The following NELL1 variants were observed in gnomAD, a reference collection of about 807,000 sequenced individuals.
The protein encoded by NELL1 is protein kinase C-binding protein NELL1.
Under a neutral mutation model 107.4 loss-of-function variants are expected in NELL1, and 76 were observed. The ratio of observed to expected loss-of-function variants is 0.71; its 90% CI spans 0.59 to 0.86. NELL1 has a LOEUF of 0.86. Ranked by LOEUF, NELL1 falls within the 40% of genes least tolerant of loss-of-function variation. The pLI, the probability that NELL1 is intolerant of heterozygous loss-of-function variation, is 0.00. For missense variants in NELL1, 1,024 were observed against 1,005.5 expected (o/e 1.02, Z -0.25); for synonymous variants, 353 against 341.2 (o/e 1.03, Z -0.38).
chr11:20,702,168 G>A (rs566619315), intron 2 of NELL1, among the ~76,000 whole-genome samples: 3 of 152,048 alleles, frequency 2.0e-5, no homozygotes, highest in Non-Finnish European at 2.9e-5. Context: ...ATTTGTTTGT[G>A]TCCTCTTTTG....
At chr11:20,924,981 C>T (rs1232823594) in intron 7 of NELL1, among the ~76,000 whole-genome samples, 3 of 152,110 alleles carry the variant, frequency 2.0e-5, no homozygotes, top group Non-Finnish European at 4.4e-5. Context: ...TGCATTGAAT[C>T]CATGTGAATG....
In NELL1 at chr11:21,295,227, G is replaced by C. The variant is rs532054588; in HGVS notation, c.1549+65773G>C. Among the ~76,000 whole-genome samples, 5 of 152,088 alleles carry C rather than the reference G, an allele frequency of 3.3e-5. No homozygotes were observed. The South Asian group carries it at 1.0e-3, about 32-fold the overall frequency. On this transcript the variant is annotated intron_variant, in intron 14 of 19. Transcript: ENST00000357134. ...AGGTCAATTACAGATAGTAAGTAGG[G>C]AACCAGGATTAAAACCCAGCCCAGG...
intron 15 of NELL1, among the ~76,000 whole-genome samples, chr11:21,371,607 C>G (rs973487322): frequency 4.6e-5 from 7 of 151,972 alleles, no homozygotes; most frequent in African/African-American, 1.7e-4. Context: ...TGTTCAATGC[C>G]AATGTATGTG....
intron 2 of NELL1, among the ~76,000 whole-genome samples, chr11:20,762,942 G>A (rs561765026): frequency 6.6e-6 from 1 of 152,066 alleles, no homozygotes; most frequent in Non-Finnish European, 1.5e-5. Flanking sequence ...CACTCGTCCT[G>A]TTGGTTTACA....
chr11:20,883,530 G>A (rs1365047684), intron 4 of NELL1, among the ~76,000 whole-genome samples: 1 of 152,128 alleles, frequency 6.6e-6, no homozygotes, highest in African/African-American at 2.4e-5. Flanking sequence ...TAAGGTAAAT[G>A]GTTCAACATT....
intron 5 of NELL1, among the ~76,000 whole-genome samples, chr11:20,902,171 T>G (rs1250620939): frequency 6.6e-6 from 1 of 151,996 alleles, no homozygotes; most frequent in Non-Finnish European, 1.5e-5. Context: ...ATGGGTTTAC[T>G]GCATAAAATT....
intron 3 of NELL1, among the ~76,000 whole-genome samples, chr11:20,801,372 A>G (rs4923055): frequency 0.62 from 94,818 of 152,058 alleles, 31,337 homozygotes; most frequent in East Asian, 0.87. Flanking sequence ...GCAAAGCCCC[A>G]TCTGAAGATT....
chr11:21,018,690 T>A (rs1302854361), intron 12 of NELL1, among the ~76,000 whole-genome samples: 1 of 152,086 alleles, frequency 6.6e-6, no homozygotes, highest in Non-Finnish European at 1.5e-5. Flanking sequence ...CAGTGGGTAA[T>A]GTCCTGTTGT....
At chr11:20,965,114 G>A (rs1851363847) in intron 12 of NELL1, among the ~76,000 whole-genome samples, 1 of 152,138 alleles carries the variant, frequency 6.6e-6, no homozygotes, top group Non-Finnish European at 1.5e-5. Flanking sequence ...TTTTAATAGA[G>A]CAAGCATTGA....
chr11:21,028,592 T>A (rs1852878026), intron 12 of NELL1, among the ~76,000 whole-genome samples: 1 of 152,200 alleles, frequency 6.6e-6, no homozygotes, highest in African/African-American at 2.4e-5. Context: ...TTATTCTCTT[T>A]TGCTGCACTT....
intron 13 of NELL1, among the ~76,000 whole-genome samples, chr11:21,177,692 A>T (rs1191640530): frequency 6.6e-6 from 1 of 151,888 alleles, no homozygotes; most frequent in East Asian, 1.9e-4. Context: ...AGGGACCTCC[A>T]TACTGTCTTT....
At chr11:21,256,012 A>G (rs962703532) in intron 14 of NELL1, among the ~76,000 whole-genome samples, 1 of 151,980 alleles carries the variant, frequency 6.6e-6, no homozygotes, top group Non-Finnish European at 1.5e-5. Context: ...CACTCGGTAT[A>G]TATATCATAT....
chr11:21,569,731 C>T (rs1418920214), intron 17 of NELL1, among the ~76,000 whole-genome samples: 1 of 151,732 alleles, frequency 6.6e-6, no homozygotes, highest in Non-Finnish European at 1.5e-5. Context: ...TGATTTTTTA[C>T]ATTATAACAT....
chr11:21,182,472 C>T (rs565677894), intron 13 of NELL1, among the ~76,000 whole-genome samples: 1 of 150,984 alleles, frequency 6.6e-6, no homozygotes, highest in East Asian at 1.9e-4. Flanking sequence ...AAATGGGCTC[C>T]ATTGAACTTT....
At chr11:21,077,958 A>C (rs1318777024) in intron 12 of NELL1, among the ~76,000 whole-genome samples, 1 of 152,084 alleles carries the variant, frequency 6.6e-6, no homozygotes, top group African/African-American at 2.4e-5. Context: ...TAGATTAGTA[A>C]ATTATATAAT....
At chr11:21,222,315 G>T (rs1397254335) in intron 13 of NELL1, among the ~76,000 whole-genome samples, 10 of 151,848 alleles carry the variant, frequency 6.6e-5, no homozygotes, top group Admixed American at 6.6e-4. Flanking sequence ...GAGTAGCTGG[G>T]ACTACAGGCA....
chr11:21,451,967 A>G (rs1321260322), intron 15 of NELL1, among the ~76,000 whole-genome samples: 1 of 152,154 alleles, frequency 6.6e-6, no homozygotes, highest in Non-Finnish European at 1.5e-5. Flanking sequence ...GTGTTTAAGA[A>G]ATAAGGCAAC....
chr11:21,236,729 T>A (rs1858216163), intron 14 of NELL1, among the ~76,000 whole-genome samples: 1 of 152,168 alleles, frequency 6.6e-6, no homozygotes, highest in African/African-American at 2.4e-5. Context: ...TGACCCTTTT[T>A]AGACTCATTC....
intron 15 of NELL1, among the ~76,000 whole-genome samples, chr11:21,409,851 C>T (rs993922185): frequency 6.6e-6 from 1 of 152,006 alleles, no homozygotes; most frequent in African/African-American, 2.4e-5. Context: ...GTTTGCCACT[C>T]TCTCACACAC....
Sources: gnomAD v4.1 joint callset for allele counts (sites outside exome capture counted in the v4.1 genomes callset) on GRCh38, gnomAD v4.1.1 for gene constraint, MANE v1.5 for transcripts, NCBI Gene and HGNC (gene_info 2026-07-23, HGNC 2026-07-21) for gene names.